The following EPHA5 variants were observed in gnomAD, a reference collection of about 807,000 sequenced individuals.
EPHA5 encodes the protein EPH receptor A5.
EPHA5 carries 60 observed loss-of-function variants against 105.0 expected under a neutral mutation model. That is an observed-to-expected ratio of 0.57 (90% confidence interval 0.46 to 0.71). The LOEUF is 0.71. Ranked by LOEUF, EPHA5 falls within the 30% of genes least tolerant of loss-of-function variation. The probability of loss-of-function intolerance (pLI) is 0.00; values close to 1 mark genes in which losing one functional copy is unlikely to be tolerated. For missense variants in EPHA5, 1,218 were observed against 1,274.7 expected (o/e 0.96, Z 0.68); for synonymous variants, 513 against 449.1 (o/e 1.14, Z -1.80).
chr4:65,581,090 A>T (rs1191928751), intron 3 of EPHA5, among the ~76,000 whole-genome samples: 3 of 151,758 alleles, frequency 2.0e-5, no homozygotes, highest in Non-Finnish European at 4.4e-5. Context: ...TAAACCAACC[A>T]ATTAGCCTTT....
chr4:65,666,696 C>T (rs919639855), intron 1 of EPHA5, among the ~76,000 whole-genome samples: 1 of 152,060 alleles, frequency 6.6e-6, no homozygotes, highest in East Asian at 1.9e-4. Context: ...ACTAAAACTA[C>T]TAAGGATATA....
chr4:65,636,931 G>A (rs1181256006), intron 2 of EPHA5, among the ~76,000 whole-genome samples: 5 of 152,026 alleles, frequency 3.3e-5, no homozygotes, highest in African/African-American at 9.7e-5. Context: ...AAATACACTA[G>A]GAGCCTGATA....
At chr4:65,397,689 G>A (rs1237652995) in intron 8 of EPHA5, among the ~76,000 whole-genome samples, 1 of 151,494 alleles carries the variant, frequency 6.6e-6, no homozygotes, top group African/African-American at 2.4e-5. Context: ...TGTAAAATGT[G>A]TTTCTTCTTG....
At chr4:65,609,925 T>C (rs897404772) in intron 2 of EPHA5, among the ~76,000 whole-genome samples, 1 of 152,146 alleles carries the variant, frequency 6.6e-6, no homozygotes, top group African/African-American at 2.4e-5. Context: ...TATTTATTGC[T>C]ATTCTACTTT....
chr4:65,378,994 T>A (rs965374848), intron 8 of EPHA5, among the ~76,000 whole-genome samples: 5 of 151,866 alleles, frequency 3.3e-5, no homozygotes, highest in African/African-American at 1.2e-4. Flanking sequence ...TTAACAAATG[T>A]ATCCAATTGT....
At chr4:65,355,545 C>A (rs35906413) in intron 11 of EPHA5, among the ~76,000 whole-genome samples, 9,456 of 151,550 alleles carry the variant, frequency 0.062, 385 homozygotes, top group Admixed American at 0.13. Flanking sequence ...CCCATTTCAA[C>A]CTTTTATATT....
chr4:65,425,190 CT>C (rs1486691641), intron 5 of EPHA5, among the ~76,000 whole-genome samples: 1 of 151,676 alleles, frequency 6.6e-6, no homozygotes, highest in Non-Finnish European at 1.5e-5. Context: ...TCAGATGACA[CT>C]TTTTAAACTT....
chr4:65,585,373 G>GA (rs1334831813), intron 3 of EPHA5, among the ~76,000 whole-genome samples: 2 of 151,226 alleles, frequency 1.3e-5, no homozygotes, highest in African/African-American at 4.9e-5. Context: ...AAAAAAATCA[G>GA]AAAACAACCA....
chr4:65,386,790 T>C (rs1031531018), intron 8 of EPHA5, among the ~76,000 whole-genome samples: 2 of 152,042 alleles, frequency 1.3e-5, no homozygotes, highest in Non-Finnish European at 2.9e-5. Flanking sequence ...ATATTAATAC[T>C]GTTTGCTTCT....
intron 2 of EPHA5, among the ~76,000 whole-genome samples, chr4:65,625,573 T>A (rs1746063385): frequency 6.6e-6 from 1 of 152,146 alleles, no homozygotes; most frequent in Non-Finnish European, 1.5e-5. Context: ...AATATTATAA[T>A]CTTTAGTAAG....
intron 2 of EPHA5, among the ~76,000 whole-genome samples, chr4:65,623,303 A>C (rs2149479316): frequency 6.6e-6 from 1 of 152,208 alleles, no homozygotes; most frequent in South Asian, 2.1e-4. Context: ...TAACAGTCCC[A>C]GAGTCCTGAA....
At position 65,333,539 on chromosome 4, in the gene EPHA5, CTGTGTGTGTGTGTGTG is replaced by C. The variant is rs56925203; in HGVS notation, c.2790-1427_2790-1412del. 1.9e-3 allele frequency among the ~76,000 whole-genome samples: 208 copies of C among 111,878 alleles called. No individual in the cohort carries two copies. The East Asian group carries it at 0.02, about 11-fold the overall frequency. The allele number at this position is 111,878 out of a possible 152,430, so 73.4% of individuals were successfully genotyped here. A position where few individuals can be genotyped will look rare whatever the true frequency, so the allele number is the denominator to read the frequency against. ...TGCGTGTGCGTGTGAGAGTGTGTGTCTGTGTGTGTGTGTGTGTGTGTGTGTGTGTGTGTGTGTGTGC... is the reference window on the plus strand; with the variant it reads ...TGCGTGTGCGTGTGAGAGTGTGTGTCTGTGTGTGTGTGTGTGTGTGTGTGC... On this transcript the variant is annotated intron_variant, in intron 15 of 16. Transcript: ENST00000613740.
At chr4:65,324,556 C>CTGCAGATT (rs3057279) in intron 16 of EPHA5, among the ~76,000 whole-genome samples, 42,272 of 150,686 alleles carry the variant, frequency 0.28, 7,041 homozygotes, top group South Asian at 0.44. Flanking sequence ...AGTTTTGAAA[C>CTGCAGATT]TGCAGATTTA....
intron 5 of EPHA5, among the ~76,000 whole-genome samples, chr4:65,483,334 T>A (rs1730570562): frequency 6.6e-6 from 1 of 152,204 alleles, no homozygotes; most frequent in African/African-American, 2.4e-5. Flanking sequence ...TGTGCATGTG[T>A]CTTTATAGCA....
intron 8 of EPHA5, among the ~76,000 whole-genome samples, chr4:65,392,073 G>T (rs1046404210): frequency 6.6e-6 from 1 of 152,064 alleles, no homozygotes; most frequent in Non-Finnish European, 1.5e-5. Flanking sequence ...TCCTAGGACG[G>T]TTTACTTCCC....
intron 8 of EPHA5, among the ~76,000 whole-genome samples, chr4:65,390,504 TA>T (rs1199266275): frequency 6.6e-6 from 1 of 152,048 alleles, no homozygotes; most frequent in Non-Finnish European, 1.5e-5. Flanking sequence ...GAGAGTATAA[TA>T]AACTTTGTTT....
chr4:65,617,595 C>T (rs1745353578), intron 2 of EPHA5, among the ~76,000 whole-genome samples: 1 of 152,086 alleles, frequency 6.6e-6, no homozygotes, highest in Non-Finnish European at 1.5e-5. Context: ...GGTCAAAGAA[C>T]ACTTGGCATG....
At chr4:65,573,021 A>G (rs929653270) in intron 3 of EPHA5, among the ~76,000 whole-genome samples, 37 of 152,192 alleles carry the variant, frequency 2.4e-4, no homozygotes, top group Admixed American at 7.2e-4. Context: ...ACAGAGTGAG[A>G]CTTTGTCTCA....
intron 8 of EPHA5, among the ~76,000 whole-genome samples, chr4:65,369,147 G>A (rs1718211416): frequency 6.6e-6 from 1 of 151,988 alleles, no homozygotes; most frequent in Non-Finnish European, 1.5e-5. Flanking sequence ...ACTCAGAGTT[G>A]GCACTAAAAA....
Sources: allele counts gnomAD v4.1 joint callset (sites outside exome capture counted in the v4.1 genomes callset), GRCh38; gene constraint gnomAD v4.1.1; transcripts MANE v1.5; gene names NCBI Gene and HGNC (gene_info 2026-07-23, HGNC 2026-07-21).